TSPAN9: variants seen among roughly 807,000 people sequenced by gnomAD.
The protein encoded by TSPAN9 is tetraspanin 9, also known as tetraspanin-9.
In TSPAN9, 16 loss-of-function variants were observed where a neutral mutation model predicts 31.0. The ratio of observed to expected loss-of-function variants is 0.52; its 90% CI spans 0.35 to 0.78. The LOEUF (loss-of-function observed/expected upper bound fraction) is 0.78, where lower values mean the gene tolerates loss of function less well. Among genes scored for constraint, TSPAN9 ranks in the 30% least tolerant of loss-of-function variants. TSPAN9 has a pLI of 0.01. For missense variants in TSPAN9, 272 were observed against 312.5 expected (o/e 0.87, Z 0.98); for synonymous variants, 145 against 121.6 (o/e 1.19, Z -1.27).
intron 3 of TSPAN9, among the ~76,000 whole-genome samples, chr12:3,214,349 G>T (rs1281778842): frequency 6.6e-6 from 1 of 152,198 alleles, no homozygotes; most frequent in Non-Finnish European, 1.5e-5. Context: ...GCCTCACCTG[G>T]ACTACGTGTG....
chr12:3,093,282 C>T (rs1033130504), intron 2 of TSPAN9, among the ~76,000 whole-genome samples: 29 of 152,152 alleles, frequency 1.9e-4, no homozygotes, highest in Admixed American at 1.4e-3. Flanking sequence ...ATGGACTTGA[C>T]CCTGTCTTTG....
intron 3 of TSPAN9, among the ~76,000 whole-genome samples, chr12:3,266,147 C>A (rs576398321): frequency 3.3e-5 from 5 of 152,318 alleles, no homozygotes; most frequent in African/African-American, 1.2e-4. Context: ...GCCTTCCTTT[C>A]TCAGAGTAGG....
intron 2 of TSPAN9, among the ~76,000 whole-genome samples, chr12:3,197,308 G>A (rs559311076): frequency 6.6e-6 from 1 of 152,322 alleles, no homozygotes; most frequent in Admixed American, 6.5e-5. Context: ...CTCAGGAGCG[G>A]CCAGGTGAGG....
At chr12:3,083,763 G>T (rs1056375871) in intron 2 of TSPAN9, 44 bp downstream of exon 2, 1 of 152,260 alleles carries the variant, frequency 6.6e-6, no homozygotes, top group Non-Finnish European at 1.5e-5. Context: ...GCCTCTGAAC[G>T]TCTGTGTGTT....
At chr12:3,158,740 A>AAAAAAAC (rs1379586600) in intron 2 of TSPAN9, among the ~76,000 whole-genome samples, 1 of 150,944 alleles carries the variant, frequency 6.6e-6, no homozygotes. Flanking sequence ...AAAAAAAAAA[A>AAAAAAAC]AAAGCATAGG....
chr12:3,154,669 A>G (rs2098341375), intron 2 of TSPAN9, among the ~76,000 whole-genome samples: 1 of 152,218 alleles, frequency 6.6e-6, no homozygotes, highest in African/African-American at 2.4e-5. Flanking sequence ...CATGATGCAC[A>G]TGTTCAGCCG....
chr12:3,110,954 G>A (rs757300097), intron 2 of TSPAN9, among the ~76,000 whole-genome samples: 2 of 152,154 alleles, frequency 1.3e-5, no homozygotes, highest in Non-Finnish European at 2.9e-5. Context: ...TAGAAAGGAA[G>A]CAGCAACCCA....
intron 3 of TSPAN9, among the ~76,000 whole-genome samples, chr12:3,252,533 C>T (rs879701621): frequency 4.6e-5 from 7 of 152,214 alleles, no homozygotes; most frequent in African/African-American, 9.6e-5. Flanking sequence ...GGGGTGGGGA[C>T]GGAGCCCCCT....
chr12:3,174,383 A>G (rs2098353825), intron 2 of TSPAN9, among the ~76,000 whole-genome samples: 1 of 151,822 alleles, frequency 6.6e-6, no homozygotes, highest in Admixed American at 6.6e-5. Flanking sequence ...CTCATTTGTA[A>G]GGAGAGTTTA....
intron 3 of TSPAN9, among the ~76,000 whole-genome samples, chr12:3,235,618 C>T (rs2098393365): frequency 6.6e-6 from 1 of 152,150 alleles, no homozygotes; most frequent in Non-Finnish European, 1.5e-5. Context: ...GTGATTCCCT[C>T]ACTGAGTAGG....
At chr12:3,091,991 A>G (rs1341967118) in intron 2 of TSPAN9, among the ~76,000 whole-genome samples, 1 of 152,174 alleles carries the variant, frequency 6.6e-6, no homozygotes, top group Non-Finnish European at 1.5e-5. Flanking sequence ...CACAGGTTTT[A>G]TATTAATCAG....
At chr12:3,105,760 ACACACGCGCACG>A (rs1236667913) in intron 2 of TSPAN9, among the ~76,000 whole-genome samples, 1 of 59,580 alleles carries the variant, frequency 1.7e-5, no homozygotes, top group African/African-American at 3.4e-5. Context: ...ACACACACGC[ACACACGCGCACG>A]CACACACGCT....
At chr12:3,089,566 A>G (rs1302100760) in intron 2 of TSPAN9, among the ~76,000 whole-genome samples, 1 of 151,952 alleles carries the variant, frequency 6.6e-6, no homozygotes, top group Non-Finnish European at 1.5e-5. Flanking sequence ...AAGTGCTGGG[A>G]TTACAGGTGT....
intron 2 of TSPAN9, among the ~76,000 whole-genome samples, chr12:3,110,181 A>T (rs569312539): frequency 2.6e-5 from 4 of 152,118 alleles, no homozygotes; most frequent in Non-Finnish European, 5.9e-5. Context: ...TGGACTGAGG[A>T]AACCAGGCCC....
intron 3 of TSPAN9, among the ~76,000 whole-genome samples, chr12:3,217,689 C>G (rs1327065040): frequency 6.6e-6 from 1 of 152,196 alleles, no homozygotes; most frequent in African/African-American, 2.4e-5. Flanking sequence ...CTTCAGCTGT[C>G]TGCTGCCTGC....
chr12:3,145,643 A>G (rs2098336822), intron 2 of TSPAN9, among the ~76,000 whole-genome samples: 1 of 152,184 alleles, frequency 6.6e-6, no homozygotes, highest in South Asian at 2.1e-4. Flanking sequence ...AGGTGTCCAG[A>G]GCTTCCCAGC....
intron 2 of TSPAN9, among the ~76,000 whole-genome samples, chr12:3,163,446 T>G (rs2098346568): frequency 6.6e-6 from 1 of 152,190 alleles, no homozygotes; most frequent in South Asian, 2.1e-4. Flanking sequence ...GGACCATGGC[T>G]TTCTGTTCTC....
intron 2 of TSPAN9, among the ~76,000 whole-genome samples, chr12:3,180,977 C>T (rs2098358305): frequency 6.6e-6 from 1 of 151,428 alleles, no homozygotes; most frequent in South Asian, 2.1e-4. Context: ...AGTTCAGGGC[C>T]CTGCATTTTA....
chr12:3,147,629 C>T lies in TSPAN9; in HGVS notation c.-17-53548C>T, dbSNP rs962327900. ...CTGTACCGCCCAGTACAGTAGCCAC[C>T]GGCTACATGTGGCCGTTGAGCATTG... On this transcript the variant is annotated intron_variant, in intron 2 of 8. Coordinates refer to ENST00000011898, the MANE Select transcript of TSPAN9 (RefSeq NM_006675.5). The surrounding 1 kb of genome is among the most constrained non-coding windows in gnomAD (Gnocchi z 4.3). Among the ~76,000 whole-genome samples the T allele has an allele frequency of 2.6e-5, 4 of 152,192 alleles. No individual in the cohort carries two copies. Among genetic ancestry groups the T allele is most frequent in the South Asian group, 2.1e-4 (1 of 4,832 alleles).
Sources: gnomAD v4.1 joint callset for allele counts (sites outside exome capture counted in the v4.1 genomes callset) on GRCh38, gnomAD v4.1.1 for gene constraint, Gnocchi (gnomAD v3.1) non-coding constraint, MANE v1.5 for transcripts, NCBI Gene and HGNC (gene_info 2026-07-23, HGNC 2026-07-21) for gene names.